Variants in PIP5K1C observed in about 807,000 individuals in gnomAD.
PIP5K1C encodes the protein phosphatidylinositol 4-phosphate 5-kinase type-1 gamma.
Under a neutral mutation model 80.1 loss-of-function variants are expected in PIP5K1C, and 45 were observed. The ratio of observed to expected loss-of-function variants is 0.56; its 90% CI spans 0.44 to 0.72. The LOEUF (loss-of-function observed/expected upper bound fraction) is 0.72. Among genes scored for constraint, PIP5K1C ranks in the 30% least tolerant of loss-of-function variants. The pLI, the probability that PIP5K1C is intolerant of heterozygous loss-of-function variation, is 0.00. For missense variants in PIP5K1C, 753 were observed against 954.6 expected (o/e 0.79, Z 2.78); for synonymous variants, 498 against 420.1 (o/e 1.19, Z -2.27).
chr19:3,641,654 C>G, intron 15 of PIP5K1C, 51 bp downstream of exon 15: 1 of 1,414,692 alleles, frequency 7.1e-7, no homozygotes, highest in Non-Finnish European at 9.9e-7. Flanking sequence ...CTTGGCTCCT[C>G]TGGGCCCGCA....
intron 1 of PIP5K1C, among the ~76,000 whole-genome samples, chr19:3,680,257 G>A (rs1485644832): frequency 6.6e-6 from 1 of 152,148 alleles, no homozygotes; most frequent in Admixed American, 6.5e-5. Flanking sequence ...TTGGGTTTGG[G>A]GGATGACACA....
At chr19:3,671,616 G>C (rs913393057) in intron 1 of PIP5K1C, among the ~76,000 whole-genome samples, 2 of 152,228 alleles carry the variant, frequency 1.3e-5, no homozygotes, top group Non-Finnish European at 2.9e-5. Flanking sequence ...GCACTCGGTT[G>C]GGGGACCCCA....
At chr19:3,633,825 C>A (rs1476050392) in intron 16 of PIP5K1C, among the ~76,000 whole-genome samples, 1 of 152,020 alleles carries the variant, frequency 6.6e-6, no homozygotes, top group African/African-American at 2.4e-5. Flanking sequence ...GTGGGGGTCG[C>A]GACCTGGAGC....
chr19:3,664,775 T>C, intron 3 of PIP5K1C, 47 bp downstream of exon 3: 1 of 1,467,308 alleles, frequency 6.8e-7, no homozygotes, highest in Non-Finnish European at 9.5e-7. Flanking sequence ...CCCCCTCCCC[T>C]CTGCTCTGTC....
rs2033974188 is a variant in PIP5K1C, at chr19:3,641,817, C to A, written c.1683-8G>T. On this transcript the variant is annotated splice_region_variant and splice_polypyrimidine_tract_variant and intron_variant, in intron 14 of 17. Coordinates refer to ENST00000335312, the MANE Select transcript of PIP5K1C (RefSeq NM_012398.3). ...GGTGGCTCCTCCTGCGGCCTGCAGG[C>A]AATGGGAGGTTGTGCCTCGGTTTCC... 3 of 1,607,538 alleles carry A rather than the reference C, an allele frequency of 1.9e-6. No homozygotes were observed. Among genetic ancestry groups the A allele is most frequent in the East Asian group, 2.2e-5 (1 of 44,840 alleles).
At chr19:3,684,016 A>T (rs1350901583) in intron 1 of PIP5K1C, among the ~76,000 whole-genome samples, 72 of 144,598 alleles carry the variant, frequency 5.0e-4, no homozygotes, top group Non-Finnish European at 9.0e-5. Flanking sequence ...ACCAGTGCTG[A>T]CTCTGTCTCT....
At chr19:3,652,816 G>T (rs2034499452) in intron 7 of PIP5K1C, among the ~76,000 whole-genome samples, 1 of 152,126 alleles carries the variant, frequency 6.6e-6, no homozygotes, top group African/African-American at 2.4e-5. Flanking sequence ...ATGGCTGGCT[G>T]GGAGCTCTGG....
chr19:3,689,202 C>A (rs569381597), intron 1 of PIP5K1C, among the ~76,000 whole-genome samples: 1 of 152,044 alleles, frequency 6.6e-6, no homozygotes, highest in South Asian at 2.1e-4. Flanking sequence ...TAAAATAACA[C>A]GCCTTGAAAT....
chr19:3,638,806 C>T (rs562282883), intron 16 of PIP5K1C, 78 bp downstream of exon 16: 53 of 1,571,676 alleles, frequency 3.4e-5, no homozygotes, highest in East Asian at 2.9e-4. Flanking sequence ...TGTGTGTATG[C>T]GGTGTGCACA....
intron 3 of PIP5K1C, among the ~76,000 whole-genome samples, chr19:3,662,235 G>C (rs1462353979): frequency 2.0e-5 from 3 of 152,224 alleles, no homozygotes; most frequent in Non-Finnish European, 4.4e-5. Context: ...GGGCTCGGCT[G>C]CAACTGCCGC....
At position 3,688,012 on chromosome 19, in the gene PIP5K1C, C is replaced by T. The variant is rs922290007; in HGVS notation, c.94+12285G>A. On this transcript the variant is annotated intron_variant, in intron 1 of 17. Transcript: ENST00000335312. The surrounding 1 kb of genome is among the most constrained non-coding windows in gnomAD (Gnocchi z 5.3). ...CGGGCCGGGGCAGGAGGCTGTGGGG[C>T]GTGGCCAGCCCGCAGGTGGCGGGGC... 3.9e-5 allele frequency among the ~76,000 whole-genome samples: 6 copies of T among 152,170 alleles called. No individual in the cohort carries two copies. The highest frequency in any genetic ancestry group is 1.2e-4 in the African/African-American group (5 of 41,450).
At chr19:3,643,490 C>A in intron 12 of PIP5K1C, 109 bp from the exon 13 acceptor site, 5 of 1,353,046 alleles carry the variant, frequency 3.7e-6, no homozygotes, top group Non-Finnish European at 4.1e-6. Flanking sequence ...CCAGTGCCCG[C>A]CCGCCTCCCA....
rs571041277 is a variant in PIP5K1C, at chr19:3,698,250, C to T, written c.94+2047G>A. ...CGGCACGACAATCACCAAGCACGAG[C>T]GCCAACTCATCCCAGGCTCAGCCCC... On this transcript the variant is annotated intron_variant, in intron 1 of 17. Transcript: ENST00000335312. 1.3e-3 allele frequency among the ~76,000 whole-genome samples: 191 copies of T among 152,362 alleles called. 1 individual carries two copies. Among genetic ancestry groups the T allele is most frequent in the African/African-American group, 4.5e-3 (186 of 41,590 alleles).
intron 1 of PIP5K1C, among the ~76,000 whole-genome samples, chr19:3,669,168 T>C (rs1223653196): frequency 1.3e-5 from 2 of 152,138 alleles, no homozygotes; most frequent in Admixed American, 6.5e-5. Flanking sequence ...CTGGGGGTGC[T>C]GGGGCAGGCC....
At chr19:3,664,991 G>T (rs2034963382) in intron 2 of PIP5K1C, 77 bp from the exon 3 acceptor site, 1 of 1,238,650 alleles carries the variant, frequency 8.1e-7, no homozygotes, top group South Asian at 1.2e-5. Context: ...GAAACCCTGG[G>T]AAGAAAGGTT....
intron 16 of PIP5K1C, among the ~76,000 whole-genome samples, chr19:3,634,435 G>A (rs752005497): frequency 9.9e-5 from 15 of 152,030 alleles, no homozygotes; most frequent in South Asian, 2.1e-4. Context: ...CGCCCCTCCC[G>A]GCACAGATGA....
intron 1 of PIP5K1C, among the ~76,000 whole-genome samples, chr19:3,700,082 G>A (rs1357567271): frequency 6.6e-6 from 1 of 152,170 alleles, no homozygotes; most frequent in South Asian, 2.1e-4. Flanking sequence ...CGGCCCGGGA[G>A]CGGTGGGAGG....
In PIP5K1C at chr19:3,646,008, C is replaced by T. The variant is rs776796423; in HGVS notation, c.1311G>A (p.Lys437=). 6.2e-7 allele frequency: 1 copy of T among 1,613,344 alleles called. No homozygotes were observed. The highest frequency in any genetic ancestry group is 8.5e-7 in the Non-Finnish European group (1 of 1,179,942). The change falls in exon 11 of 18, where the codon AAG becomes AAA. Residue 437 remains lysine (K), a synonymous_variant. Transcript: ENST00000335312. The stretch of plus-strand genomic sequence containing the variant: ...TCCGAAAGACCGTGTTGCTCATGAA[C>T]TTGAAAAAGCGCTCGGCATAGAAGC... ...RPSFYAERFF[K]FMSNTVFRKN... is the part of the protein sequence containing the mutation.
In PIP5K1C at chr19:3,633,431, A is replaced by G; in HGVS notation, c.2004+6T>C. ...GGACCGGCGGGTGCACCTGGGCTGC[A>G]CTTACTGTGTCGCTCTCGCCGTCGG... is the stretch of plus-strand genomic sequence containing the variant. On this transcript the variant is annotated splice_donor_region_variant and intron_variant, in intron 17 of 17. Transcript: ENST00000335312. 1 of 1,489,660 alleles carries G rather than the reference A, an allele frequency of 6.7e-7. No homozygotes were observed. Among genetic ancestry groups the G allele is most frequent in the South Asian group, 1.4e-5 (1 of 71,222 alleles). The allele number at this position is 1,489,660 out of a possible 1,614,324, so 92.3% of individuals were successfully genotyped here.
Sources: allele counts gnomAD v4.1 joint callset (sites outside exome capture counted in the v4.1 genomes callset), GRCh38; gene constraint gnomAD v4.1.1; non-coding constraint Gnocchi (gnomAD v3.1); transcripts MANE v1.5; gene names NCBI Gene and HGNC (gene_info 2026-07-23, HGNC 2026-07-21).